The following CLVS1 variants were observed in gnomAD, a reference collection of about 807,000 sequenced individuals.
CLVS1 encodes clavesin 1.
CLVS1 carries 10 observed loss-of-function variants against 33.1 expected under a neutral mutation model. That is an observed-to-expected ratio of 0.30 (90% confidence interval 0.19 to 0.51). CLVS1 has a LOEUF of 0.51. CLVS1 is among the 20% of genes least tolerant of loss of function. The probability of loss-of-function intolerance (pLI) is 0.97; values close to 1 mark genes in which losing one functional copy is unlikely to be tolerated. For missense variants in CLVS1, 343 were observed against 433.4 expected (o/e 0.79, Z 1.85); for synonymous variants, 163 against 166.1 (o/e 0.98, Z 0.14).
rs181775216 is a variant in CLVS1 at position 61,093,267 on chromosome 8, T to C, written c.-243+36037T>C. Reference sequence around the variant, plus strand: ...CACAAAACTGTGTCCCCTATATACCTTGAGTTGTTTGTGTGGGAAAAATCA... The same window carrying C: ...CACAAAACTGTGTCCCCTATATACCCTGAGTTGTTTGTGTGGGAAAAATCA... On this transcript the variant is annotated intron_variant, in intron 1 of 2. Coordinates refer to the CLVS1 transcript ENST00000522621. Among the ~76,000 whole-genome samples the C allele has an allele frequency of 2.5e-3, 383 of 152,278 alleles. 2 individuals carry two copies. Among genetic ancestry groups the C allele is most frequent in the Middle Eastern group, 6.8e-3 (2 of 294 alleles).
chr8:61,130,839 C>T (rs573007040), intron 1 of CLVS1, among the ~76,000 whole-genome samples: 3 of 152,302 alleles, frequency 2.0e-5, no homozygotes, highest in African/African-American at 7.2e-5. Flanking sequence ...TAGGGCTTCC[C>T]TGGACCCCTT....
intron 2 of CLVS1, among the ~76,000 whole-genome samples, chr8:61,239,759 A>G (rs1204519603): frequency 6.6e-6 from 1 of 152,204 alleles, no homozygotes; most frequent in African/African-American, 2.4e-5. Context: ...TTTTTTCAAT[A>G]CAAAAACTCA....
chr8:61,403,794 T>C (rs564989292), intron 3 of CLVS1, among the ~76,000 whole-genome samples: 3 of 152,278 alleles, frequency 2.0e-5, no homozygotes, highest in Admixed American at 1.3e-4. Flanking sequence ...GATTTGTATG[T>C]ACTAAAACAG....
chr8:60,982,053 C>G, the CLVS1 span, among the ~76,000 whole-genome samples: 2 of 152,186 alleles, frequency 1.3e-5, no homozygotes, highest in African/African-American at 2.4e-5. Flanking sequence ...ACTCCGCCAG[C>G]CTGCTCCAAT....
chr8:61,249,267 C>A (rs1048907539), intron 2 of CLVS1, among the ~76,000 whole-genome samples: 1 of 152,110 alleles, frequency 6.6e-6, no homozygotes, highest in African/African-American at 2.4e-5. Flanking sequence ...TTATTATGGC[C>A]GTATAGTATT....
At chr8:61,078,789 T>C (rs1469665604) in intron 1 of CLVS1, among the ~76,000 whole-genome samples, 1 of 152,186 alleles carries the variant, frequency 6.6e-6, no homozygotes, top group East Asian at 1.9e-4. Context: ...TAATGATGTT[T>C]CCCTAATCAT....
the CLVS1 span, among the ~76,000 whole-genome samples, chr8:61,023,365 A>G: frequency 6.6e-6 from 1 of 152,358 alleles, no homozygotes; most frequent in African/African-American, 2.4e-5. Flanking sequence ...CACAGCTTGG[A>G]GACGGGGACA....
intron 2 of CLVS1, among the ~76,000 whole-genome samples, chr8:61,250,011 A>G (rs1392879535): frequency 6.6e-6 from 1 of 152,092 alleles, no homozygotes; most frequent in Non-Finnish European, 1.5e-5. Flanking sequence ...CCTGTAGGGT[A>G]TTGCCCAGGT....
At chr8:60,978,352 G>A in the CLVS1 span, among the ~76,000 whole-genome samples, 1 of 152,148 alleles carries the variant, frequency 6.6e-6, no homozygotes, top group Admixed American at 6.6e-5. Context: ...ATGTTAATGG[G>A]CATGCAATGT....
the CLVS1 span, among the ~76,000 whole-genome samples, chr8:61,050,901 C>T: frequency 6.6e-6 from 1 of 152,218 alleles, no homozygotes; most frequent in Non-Finnish European, 1.5e-5. Context: ...AATTACCTTT[C>T]CTCTTCCCTG....
At chr8:61,209,467 G>C (rs1168916595) in intron 2 of CLVS1, among the ~76,000 whole-genome samples, 1 of 152,208 alleles carries the variant, frequency 6.6e-6, no homozygotes, top group East Asian at 1.9e-4. Context: ...TAAGCACGGT[G>C]ACCTGCTTAA....
At chr8:61,304,875 G>A (rs1185141412) in intron 2 of CLVS1, among the ~76,000 whole-genome samples, 1 of 152,168 alleles carries the variant, frequency 6.6e-6, no homozygotes, top group Non-Finnish European at 1.5e-5. Context: ...GTATCAAGTG[G>A]AAACAGATAT....
In CLVS1 at chr8:61,249,019, C is replaced by A. The variant is rs553985535; in HGVS notation, c.-151-50658C>A. On this transcript the variant is annotated intron_variant, in intron 2 of 2. Coordinates refer to the CLVS1 transcript ENST00000522621. ...CATGGTGGTTTGCTGCACCCATCAACCTGTCACCTACGTTAGATATTTCTC... is the reference window on the plus strand; with the variant it reads ...CATGGTGGTTTGCTGCACCCATCAAACTGTCACCTACGTTAGATATTTCTC... Among the ~76,000 whole-genome samples, 29 of 152,200 alleles carry A rather than the reference C, an allele frequency of 1.9e-4. No homozygotes were observed. In the South Asian group the frequency reaches 5.8e-3, roughly 31 times the overall value.
At chr8:61,381,220 C>T (rs971238242) in intron 3 of CLVS1, among the ~76,000 whole-genome samples, 1 of 151,666 alleles carries the variant, frequency 6.6e-6, no homozygotes, top group African/African-American at 2.4e-5. Context: ...CAACTTCTTC[C>T]AACAGTTTTG....
chr8:61,320,246 ATTG>A (rs1324311256), intron 2 of CLVS1, among the ~76,000 whole-genome samples: 5 of 151,988 alleles, frequency 3.3e-5, no homozygotes, highest in Admixed American at 6.6e-5. Context: ...ATAAGTTATA[ATTG>A]TTGTGGATGA....
the CLVS1 span, among the ~76,000 whole-genome samples, chr8:60,990,249 A>G: frequency 6.6e-6 from 1 of 152,114 alleles, no homozygotes; most frequent in African/African-American, 2.4e-5. Context: ...GCTAATTCCA[A>G]CAAGCTAACT....
intron 5 of CLVS1, among the ~76,000 whole-genome samples, chr8:61,477,798 T>C (rs2129608021): frequency 6.6e-6 from 1 of 152,362 alleles, no homozygotes. Context: ...CTCTATGTCC[T>C]TCATTTCTGC....
chr8:61,159,313 C>T (rs533669004), intron 2 of CLVS1, among the ~76,000 whole-genome samples: 1 of 152,330 alleles, frequency 6.6e-6, no homozygotes, highest in African/African-American at 2.4e-5. Context: ...CCTTAACCTA[C>T]CTCATCTGCC....
At position 61,346,460 on chromosome 8, in the gene CLVS1, T is replaced by C. The variant is rs113927235; in HGVS notation, c.456-30145T>C. On this transcript the variant is annotated intron_variant, in intron 2 of 5. Transcript: ENST00000325897. ...GGGATGGGAGTCTTCTGGGGACCCT[T>C]AAAGCCTTATAGATATGTTGCGCTC... Among the ~76,000 whole-genome samples, 776 of 152,156 alleles carry C rather than the reference T, an allele frequency of 5.1e-3. 4 individuals are homozygous for C. The highest frequency in any genetic ancestry group is 0.017 in the African/African-American group (709 of 41,498).
Sources: gnomAD v4.1 joint callset for allele counts (sites outside exome capture counted in the v4.1 genomes callset) on GRCh38, gnomAD v4.1.1 for gene constraint, MANE v1.5 for transcripts, NCBI Gene and HGNC (gene_info 2026-07-23, HGNC 2026-07-21) for gene names.